RALGPS1: variants seen among roughly 807,000 people sequenced by gnomAD.
The protein encoded by RALGPS1 is Ral GEF with PH domain and SH3 binding motif 1.
RALGPS1 carries 19 observed loss-of-function variants against 78.8 expected under a neutral mutation model. That is an observed-to-expected ratio of 0.24 (90% confidence interval 0.17 to 0.35). The LOEUF is 0.35. RALGPS1 is among the 10% of genes least tolerant of loss of function. The pLI is 1.00. For missense variants in RALGPS1, 454 were observed against 688.3 expected, an observed-to-expected ratio of 0.66 and a Z score of 3.81; for synonymous variants, 228 against 256.3, an observed-to-expected ratio of 0.89 and a Z score of 1.06.
chr9:126,989,040 C>A (rs1363928482), intron 4 of RALGPS1, among the ~76,000 whole-genome samples: 1 of 152,126 alleles, frequency 6.6e-6, no homozygotes, highest in African/African-American at 2.4e-5. Context: ...TTGAGGCCAG[C>A]CTGGGCAACA....
chr9:127,129,443 G>C lies in RALGPS1; in HGVS notation c.611-36626G>C, dbSNP rs184670993. On this transcript the variant is annotated intron_variant, in intron 8 of 18. Coordinates refer to ENST00000259351, the MANE Select transcript of RALGPS1 (RefSeq NM_014636.3). The stretch of plus-strand genomic sequence containing the variant: ...ACTGAGGACAGCTTTATAGTCAGTG[G>C]GGGGGGATTCCAACCCCCTTACACA... Among the ~76,000 whole-genome samples the C allele has an allele frequency of 3.9e-5, 6 of 152,238 alleles. No individual in the cohort carries two copies. The South Asian group carries it at 8.3e-4, about 21-fold the overall frequency.
rs1455390537 is a variant in RALGPS1, at chr9:127,220,260, T to G, written c.*1491T>G. The G allele has an allele frequency of 6.6e-6, 1 of 152,150 alleles. No homozygotes were observed. The highest frequency in any genetic ancestry group is 2.4e-5 in the African/African-American group (1 of 41,442). The allele number at this position is 152,150 out of a possible 1,614,324, so 9.4% of individuals were successfully genotyped here. On this transcript the variant is annotated 3_prime_UTR_variant, in exon 19 of 19. Coordinates refer to ENST00000259351, the MANE Select transcript of RALGPS1 (RefSeq NM_014636.3). ...AGACTGATCAGGCATCAAGCTACCC[T>G]CAAGAGTTTCTGGGCTGGATGTTTC...
At chr9:127,116,414 C>T (rs1252150215) in intron 8 of RALGPS1, among the ~76,000 whole-genome samples, 1 of 152,122 alleles carries the variant, frequency 6.6e-6, no homozygotes, top group Non-Finnish European at 1.5e-5. Flanking sequence ...TATTTGGGAA[C>T]CATTTTGAGA....
intron 7 of RALGPS1, among the ~76,000 whole-genome samples, chr9:127,063,379 C>T (rs1217925302): frequency 1.3e-5 from 2 of 152,208 alleles, no homozygotes; most frequent in Non-Finnish European, 2.9e-5. Flanking sequence ...ACCCTTTCTA[C>T]CATGAAAATG....
intron 14 of RALGPS1, among the ~76,000 whole-genome samples, chr9:127,210,139 G>A (rs1039886163): frequency 2.0e-4 from 30 of 152,234 alleles, no homozygotes; most frequent in African/African-American, 7.0e-4. Flanking sequence ...CGCCCACGGA[G>A]CAAGCTTGGA....
chr9:126,988,206 A>G (rs561788242), intron 4 of RALGPS1, among the ~76,000 whole-genome samples: 1 of 152,176 alleles, frequency 6.6e-6, no homozygotes, highest in South Asian at 2.1e-4. Context: ...GGGGTGAGAG[A>G]TTGAGAGGCC....
chr9:127,221,216 G>C lies in RALGPS1; in HGVS notation c.*2447G>C, dbSNP rs946964290. 6 of 152,222 alleles carry C rather than the reference G, an allele frequency of 3.9e-5. No homozygotes were observed. The highest frequency in any genetic ancestry group is 8.8e-5 in the Non-Finnish European group (6 of 68,048). 9.4% of individuals were successfully genotyped at this position (152,222 alleles called of 1,614,324 possible). ...TTGAACCCTGTGAGCCTGAGACAGAGAGGGCCAGGCACCAACCACAAGGCG... is the reference window on the plus strand; with the variant it reads ...TTGAACCCTGTGAGCCTGAGACAGACAGGGCCAGGCACCAACCACAAGGCG... On this transcript the variant is annotated 3_prime_UTR_variant, in exon 19 of 19. Transcript: ENST00000259351.
intron 4 of RALGPS1, among the ~76,000 whole-genome samples, chr9:127,013,736 G>A (rs1190291747): frequency 6.6e-6 from 1 of 152,104 alleles, no homozygotes; most frequent in African/African-American, 2.4e-5. Flanking sequence ...TCTCTAAGGG[G>A]GGCGTGCAGG....
At chr9:127,112,137 C>G (rs1327822146) in intron 8 of RALGPS1, among the ~76,000 whole-genome samples, 1 of 152,230 alleles carries the variant, frequency 6.6e-6, no homozygotes, top group East Asian at 1.9e-4. Context: ...AGCATGATTC[C>G]TATGGCCTGC....
intron 11 of RALGPS1, among the ~76,000 whole-genome samples, chr9:127,193,918 C>T (rs1166392165): frequency 6.6e-6 from 1 of 152,224 alleles, no homozygotes; most frequent in Non-Finnish European, 1.5e-5. Flanking sequence ...CCCTTAAAGA[C>T]CTCCCTTCCC....
chr9:127,021,255 A>G (rs10987544), intron 4 of RALGPS1, among the ~76,000 whole-genome samples: 1 of 151,982 alleles, frequency 6.6e-6, no homozygotes, highest in Non-Finnish European at 1.5e-5. Flanking sequence ...TAATCCCAGC[A>G]CTTTGCGAGG....
chr9:127,206,205 A>G (rs1184961739), intron 14 of RALGPS1, among the ~76,000 whole-genome samples: 1 of 152,216 alleles, frequency 6.6e-6, no homozygotes, highest in Admixed American at 6.5e-5. Context: ...GCCCTTCCAC[A>G]TGTGCACTCC....
chr9:127,055,157 T>G (rs954770657), intron 7 of RALGPS1, among the ~76,000 whole-genome samples: 1 of 152,194 alleles, frequency 6.6e-6, no homozygotes. Context: ...CTCACACATA[T>G]GCCAAGATAA....
chr9:127,213,023 T>C lies in RALGPS1; in HGVS notation c.1526T>C (p.Ile509Thr). 6.2e-7 allele frequency: 1 copy of C among 1,614,224 alleles called. No individual in the cohort carries two copies. The highest frequency in any genetic ancestry group is 1.6e-4 in the Middle Eastern group (1 of 6,062). Residue 509 changes from isoleucine to threonine, a missense_variant, in exon 17 of 19, where the codon ATC becomes ACC. Transcript: ENST00000259351. ...CCCGATGACCCCGAGCACCCAGATA[T>C]CTTCCAGCTGAACAACCCTGACAAA... ...QLPDDPEHPD[I>T]FQLNNPDKGN... is the part of the protein sequence containing the mutation.
chr9:127,131,496 C>T (rs971186679), intron 8 of RALGPS1, among the ~76,000 whole-genome samples: 8 of 152,170 alleles, frequency 5.3e-5, no homozygotes, highest in African/African-American at 1.7e-4. Flanking sequence ...TTCTCAAAAA[C>T]GGAGCCTCTC....
At chr9:127,204,140 G>A (rs1391296257) in intron 14 of RALGPS1, among the ~76,000 whole-genome samples, 1 of 152,170 alleles carries the variant, frequency 6.6e-6, no homozygotes, top group Non-Finnish European at 1.5e-5. Context: ...CATAGGTGGA[G>A]CTACCACATC....
chr9:127,172,270 G>A (rs1314373460), intron 10 of RALGPS1, among the ~76,000 whole-genome samples: 7 of 152,214 alleles, frequency 4.6e-5, no homozygotes, highest in African/African-American at 7.2e-5. Context: ...ACTGCAGGCC[G>A]TGTGCCGTTG....
At chr9:127,187,261 C>T (rs1336255032) in intron 11 of RALGPS1, among the ~76,000 whole-genome samples, 1 of 152,218 alleles carries the variant, frequency 6.6e-6, no homozygotes, top group Non-Finnish European at 1.5e-5. Flanking sequence ...TTACCCACTA[C>T]AGACTTCCTG....
chr9:127,077,100 C>T (rs2050748099), intron 8 of RALGPS1, among the ~76,000 whole-genome samples: 1 of 152,094 alleles, frequency 6.6e-6, no homozygotes, highest in Non-Finnish European at 1.5e-5. Context: ...CAGGCTCTGA[C>T]CAACCTAGAA....
Sources: allele counts gnomAD v4.1 joint callset (sites outside exome capture counted in the v4.1 genomes callset), GRCh38; gene constraint gnomAD v4.1.1; transcripts MANE v1.5; gene names NCBI Gene and HGNC (gene_info 2026-07-23, HGNC 2026-07-21).